The following ASAP3 variants were observed in gnomAD, a reference collection of about 807,000 sequenced individuals.
The protein encoded by ASAP3 is ArfGAP with SH3 domain, ankyrin repeat and PH domain 3, also known as arf-GAP with SH3 domain, ANK repeat and PH domain-containing protein 3.
In ASAP3, 85 loss-of-function variants were observed where a neutral mutation model predicts 118.2. The observed-to-expected ratio is 0.72, with a 90% confidence interval of 0.60 to 0.86. The LOEUF (loss-of-function observed/expected upper bound fraction) is 0.86, where lower values mean the gene tolerates loss of function less well. ASAP3 is among the 40% of genes least tolerant of loss of function. The pLI is 0.00. For missense variants in ASAP3, 1,026 were observed against 1,175.0 expected (o/e 0.87, Z 1.85); for synonymous variants, 432 against 477.4 (o/e 0.90, Z 1.24).
At position 23,435,983 on chromosome 1, in the gene ASAP3, C is replaced by A. The variant is rs200891347; in HGVS notation, c.1617G>T (p.Arg539Ser). Residue 539 changes from arginine (R) to serine (S), a missense_variant, in exon 17 of 25, where the codon AGG (arginine) becomes AGT (serine). By Grantham distance (110) the Arg-to-Ser change is moderately radical. Transcript: ENST00000336689. The part of the protein sequence containing the change: ...DYIMAKYVEH[R>S]FARRCTPEPQ... ...GCTCAGGTGTGCACCGGCGTGCAAA[C>A]CTATGCTCCACATACTTGGCCATAA... The A allele has an allele frequency of 6.2e-7, 1 of 1,614,098 alleles. No homozygotes were observed. Among genetic ancestry groups the A allele is most frequent in the Non-Finnish European group, 8.5e-7 (1 of 1,180,044 alleles).
chr1:23,434,281 G>A lies in ASAP3; in HGVS notation c.1924C>T (p.Leu642=). The change falls in exon 19 of 25, where the codon CTG becomes TTG. Residue 642 remains leucine, a synonymous_variant. Coordinates refer to ENST00000336689, the MANE Select transcript of ASAP3 (RefSeq NM_017707.4). Reference sequence around the variant, plus strand: ...GTGCCAACCAAAGCTCTCCCCTTCAGCAGCAGCTTGAGGCAGTCGGGCTGG... The same window carrying A: ...GTGCCAACCAAAGCTCTCCCCTTCAACAGCAGCTTGAGGCAGTCGGGCTGG... ...YNQPDCLKLL[L]KGRALVGTVN... 1 of 1,614,200 alleles carries A rather than the reference G, an allele frequency of 6.2e-7. No individual in the cohort carries two copies. The highest frequency in any genetic ancestry group is 1.1e-5 in the South Asian group (1 of 91,082).
At chr1:23,465,269 G>T (rs2148650844) in intron 1 of ASAP3, among the ~76,000 whole-genome samples, 1 of 152,326 alleles carries the variant, frequency 6.6e-6, no homozygotes, top group South Asian at 2.1e-4. Context: ...AAGCTGTGGG[G>T]AAGCACAGGT....
chr1:23,436,464 C>G lies in ASAP3; in HGVS notation c.1571+96G>C. ...AGGCGTGAGCCACTGCGCCCAGCCT[C>G]CCCAGACTTCTGATCCAAGACTTTT... On this transcript the variant is annotated intron_variant, in intron 16 of 24. Coordinates refer to ENST00000336689, the MANE Select transcript of ASAP3 (RefSeq NM_017707.4). The surrounding 1 kb of genome is among the most constrained non-coding windows in gnomAD (Gnocchi z 4.2). The G allele has an allele frequency of 1.4e-6, 2 of 1,409,460 alleles. No homozygotes were observed. Among genetic ancestry groups the G allele is most frequent in the Non-Finnish European group, 2.0e-6 (2 of 1,007,672 alleles). 87.3% of individuals were successfully genotyped at this position (1,409,460 alleles called of 1,614,324 possible).
In ASAP3 at chr1:23,428,690, G is replaced by A. The variant is rs1640319087; in HGVS notation, c.*1166C>T. 6.5e-6 allele frequency: 1 copy of A among 152,840 alleles called. No individual in the cohort carries two copies. Among genetic ancestry groups the A allele is most frequent in the Non-Finnish European group, 1.5e-5 (1 of 68,240 alleles). 9.5% of individuals were successfully genotyped at this position (152,840 alleles called of 1,614,324 possible). On this transcript the variant is annotated 3_prime_UTR_variant, in exon 25 of 25. Coordinates refer to ENST00000336689, the MANE Select transcript of ASAP3 (RefSeq NM_017707.4). The stretch of plus-strand genomic sequence containing the variant: ...ACCACAGACCAGTCAGGTCTCCAGG[G>A]GAAACAGCACAGCCTCCCCAGCCAG...
rs1231763164 is a variant in ASAP3 at position 23,436,115 on chromosome 1, C to T, written c.1572-87G>A. The T allele has an allele frequency of 1.4e-6, 2 of 1,444,574 alleles. No homozygotes were observed. The highest frequency in any genetic ancestry group is 2.3e-5 in the East Asian group (1 of 43,860). The allele number at this position is 1,444,574 out of a possible 1,614,324, so 89.5% of individuals were successfully genotyped here. A position where few individuals can be genotyped will look rare whatever the true frequency, so the allele number is the denominator to read the frequency against. On this transcript the variant is annotated intron_variant, in intron 16 of 24. Coordinates refer to ENST00000336689, the MANE Select transcript of ASAP3 (RefSeq NM_017707.4). The surrounding 1 kb of genome is among the most constrained non-coding windows in gnomAD (Gnocchi z 4.2). ...GCCCTCCCACAGGAGATACAGCTCT[C>T]TTTTTCTCCAGAACCATGTCCTGAA... is the stretch of plus-strand genomic sequence containing the variant.
chr1:23,483,930 G>A, intron 1 of ASAP3, 75 bp downstream of exon 1: 5 of 1,220,406 alleles, frequency 4.1e-6, no homozygotes, highest in Non-Finnish European at 5.1e-6. Context: ...ATCGCAGCTC[G>A]GGTGCGACAC....
chr1:23,432,744 CT>C (rs1353932456), intron 22 of ASAP3, among the ~76,000 whole-genome samples: 1 of 152,232 alleles, frequency 6.6e-6, no homozygotes, highest in African/African-American at 2.4e-5. Context: ...TTTATCTCCC[CT>C]ACTAGACTGT....
intron 1 of ASAP3, among the ~76,000 whole-genome samples, chr1:23,476,816 C>A (rs1368752479): frequency 1.3e-5 from 2 of 152,160 alleles, no homozygotes; most frequent in African/African-American, 4.8e-5. Context: ...CCTAAGAGGT[C>A]CCCTCCATCT....
Position 23,439,189 on chromosome 1 carries a change from T to C in ASAP3, c.986A>G (p.Tyr329Cys), listed in dbSNP as rs575123252. Reference sequence around the variant, plus strand: ...GCTGTGTGAGATGGTCAGGCAGCCATACTTGACTCCACACTTCCTTTTCTG... The same window carrying C: ...GCTGTGTGAGATGGTCAGGCAGCCACACTTGACTCCACACTTCCTTTTCTG... ...VWQKRKCGVKYGCLTISHSTI... is the reference protein window; with the variant it reads ...VWQKRKCGVKCGCLTISHSTI... The change falls in exon 11 of 25, where the codon TAT becomes TGT. Residue 329 changes from tyrosine to cysteine, a missense_variant. Tyr to Cys is a radical substitution (Grantham distance 194). Transcript: ENST00000336689. 5 of 1,613,992 alleles carry C rather than the reference T, an allele frequency of 3.1e-6. No individual in the cohort carries two copies. Among genetic ancestry groups the C allele is most frequent in the Admixed American group, 1.7e-5 (1 of 60,000 alleles).
intron 3 of ASAP3, among the ~76,000 whole-genome samples, chr1:23,455,540 T>C (rs1241335433): frequency 1.3e-5 from 2 of 151,894 alleles, no homozygotes; most frequent in Non-Finnish European, 2.9e-5. Flanking sequence ...GCAGCAGTAG[T>C]GGTATAAAGG....
chr1:23,479,404 C>T (rs998567986), intron 1 of ASAP3, among the ~76,000 whole-genome samples: 3 of 152,136 alleles, frequency 2.0e-5, no homozygotes, highest in African/African-American at 7.2e-5. Flanking sequence ...CATGAGGCAC[C>T]TCTAATTCTT....
At position 23,433,216 on chromosome 1, in the gene ASAP3, G is replaced by C. The variant is rs1640506653; in HGVS notation, c.2184C>G (p.Ile728Met). ...CGACAGTCTCATAGGTCTTGTTGCT[G>C]ATGTCCAGCCTCCCACTGGCCCAGT... ...QAHWASGRLD[I>M]SNKTYETVAS... Residue 728 changes from isoleucine to methionine, a missense_variant, in exon 22 of 25, where the codon ATC becomes ATG. By Grantham distance (10) the Ile-to-Met change is conservative (BLOSUM62 1). Coordinates refer to ENST00000336689, the MANE Select transcript of ASAP3 (RefSeq NM_017707.4). 1 of 1,613,676 alleles carries C rather than the reference G, an allele frequency of 6.2e-7. No homozygotes were observed.
chr1:23,444,754 C>T (rs1319989494), intron 5 of ASAP3, among the ~76,000 whole-genome samples: 2 of 152,152 alleles, frequency 1.3e-5, no homozygotes, highest in Admixed American at 1.3e-4. Context: ...GGATAGTGTT[C>T]ATATACAGAA....
chr1:23,461,238 T>G (rs921953116), intron 1 of ASAP3, among the ~76,000 whole-genome samples: 4 of 152,162 alleles, frequency 2.6e-5, no homozygotes, highest in Admixed American at 1.3e-4. Flanking sequence ...GTATGGTCAT[T>G]GAAACAAATG....
Position 23,455,975 on chromosome 1 carries a change from T to C in ASAP3, c.254A>G (p.Asn85Ser). 1 of 1,614,128 alleles carries C rather than the reference T, an allele frequency of 6.2e-7. No homozygotes were observed. The highest frequency in any genetic ancestry group is 8.5e-7 in the Non-Finnish European group (1 of 1,180,024). Residue 85 changes from asparagine to serine, a missense_variant, in exon 3 of 25, where the codon AAC becomes AGC. By Grantham distance (46) the Asn-to-Ser change is conservative (BLOSUM62 1). Coordinates refer to ENST00000336689, the MANE Select transcript of ASAP3 (RefSeq NM_017707.4). Reference protein sequence around the residue: ...QYREAVESLGNSHLSQNSHEL... With the variant: ...QYREAVESLGSSHLSQNSHEL... ...ATGGCTGTTCTGGGACAGGTGGCTG[T>C]TGCCTAAGGATTCCACGGCCTCTCG...
At chr1:23,453,228 C>G (rs1641280645) in intron 3 of ASAP3, among the ~76,000 whole-genome samples, 1 of 152,306 alleles carries the variant, frequency 6.6e-6, no homozygotes, top group African/African-American at 2.4e-5. Context: ...TCTGGGCTGG[C>G]TAACGCTTCA....
In ASAP3 at chr1:23,440,793, T is replaced by G. The variant is rs191268159; in HGVS notation, c.944+309A>C. ...AATGACATGACCCGGAAGGCGGAGC[T>G]TACAGTGAGCCGAGATCATGGCACT... On this transcript the variant is annotated intron_variant, in intron 10 of 24. Transcript: ENST00000336689. Among the ~76,000 whole-genome samples the G allele has an allele frequency of 7.4e-5, 11 of 149,332 alleles. No individual in the cohort carries two copies. The East Asian group carries it at 1.8e-3, about 24-fold the overall frequency.
Position 23,455,613 on chromosome 1 carries a change from C to A in ASAP3, c.348+268G>T, listed in dbSNP as rs375427164. Reference sequence around the variant, plus strand: ...CTCCTCCAGGGAACCCTCCCTTGCACGGGGCTCTTCCCTGCTGTGAGACCC... The same window carrying A: ...CTCCTCCAGGGAACCCTCCCTTGCAAGGGGCTCTTCCCTGCTGTGAGACCC... On this transcript the variant is annotated intron_variant, in intron 3 of 24. Coordinates refer to ENST00000336689, the MANE Select transcript of ASAP3 (RefSeq NM_017707.4). Among the ~76,000 whole-genome samples the A allele has an allele frequency of 1.4e-4, 21 of 152,280 alleles. No homozygotes were observed. The East Asian group carries it at 3.5e-3, about 25-fold the overall frequency.
intron 23 of ASAP3, 112 bp from the exon 24 acceptor site, chr1:23,431,237 G>C: frequency 9.0e-7 from 1 of 1,105,346 alleles, no homozygotes; most frequent in Non-Finnish European, 1.3e-6. Context: ...GGTGGGTAGA[G>C]TCCACAAGGC....
Sources: gnomAD v4.1 joint callset for allele counts (sites outside exome capture counted in the v4.1 genomes callset) on GRCh38, gnomAD v4.1.1 for gene constraint, Gnocchi (gnomAD v3.1) non-coding constraint, MANE v1.5 for transcripts, NCBI Gene and HGNC (gene_info 2026-07-23, HGNC 2026-07-21) for gene names.